Variants in CSMD1 observed in about 807,000 individuals in gnomAD.
CSMD1 encodes the protein CUB and Sushi multiple domains 1.
In CSMD1, 213 loss-of-function variants were observed where a neutral mutation model predicts 417.5. The observed-to-expected ratio is 0.51, with a 90% confidence interval of 0.46 to 0.57. CSMD1 has a LOEUF of 0.57. Ranked by LOEUF, CSMD1 falls within the 20% of genes least tolerant of loss-of-function variation. The pLI, the probability that CSMD1 is intolerant of heterozygous loss-of-function variation, is 0.00. For missense variants in CSMD1, 6,923 were observed against 4,529.7 expected, an observed-to-expected ratio of 1.53 and a Z score of -15.17; for synonymous variants, 2,862 against 1,736.8, an observed-to-expected ratio of 1.65 and a Z score of -16.11.
At chr8:3,200,456 G>A (rs1013482868) in intron 32 of CSMD1, among the ~76,000 whole-genome samples, 55 of 152,076 alleles carry the variant, frequency 3.6e-4, no homozygotes, top group African/African-American at 1.2e-3. Context: ...TCAGGAGGCT[G>A]AGGCAGGAGA....
chr8:3,671,721 C>G (rs1330118564), intron 7 of CSMD1, among the ~76,000 whole-genome samples: 2 of 151,548 alleles, frequency 1.3e-5, no homozygotes, highest in Non-Finnish European at 2.9e-5. Context: ...TGTTGCATGC[C>G]CAGCACCGGC....
At chr8:4,118,109 A>T (rs1330282820) in intron 3 of CSMD1, among the ~76,000 whole-genome samples, 1 of 152,134 alleles carries the variant, frequency 6.6e-6, no homozygotes, top group Non-Finnish European at 1.5e-5. Flanking sequence ...GTGTGTTTGC[A>T]GGTGTACAGA....
chr8:3,870,036 T>C (rs902631174), intron 5 of CSMD1, among the ~76,000 whole-genome samples: 2 of 152,122 alleles, frequency 1.3e-5, no homozygotes, highest in South Asian at 2.1e-4. Flanking sequence ...AAAGTAGGCG[T>C]CTCTTCATTG....
intron 3 of CSMD1, among the ~76,000 whole-genome samples, chr8:4,288,395 A>G (rs957930186): frequency 6.6e-6 from 1 of 152,230 alleles, no homozygotes; most frequent in African/African-American, 2.4e-5. Flanking sequence ...AGAATGACCT[A>G]CAAATATCTC....
rs1206135065 is a variant in CSMD1 at position 2,970,860 on chromosome 8, AT to A, written c.8923+2256del. Among the ~76,000 whole-genome samples the A allele has an allele frequency of 7.9e-5, 12 of 152,348 alleles. 1 individual carries two copies. The highest frequency in any genetic ancestry group is 2.2e-4 in the African/African-American group (9 of 41,582). Reference sequence around the variant, plus strand: ...GAAATTGTTTTAATTTATTGGCAACATTTTTTGTAACTCCACACTTTGTTAT... The same window carrying A: ...GAAATTGTTTTAATTTATTGGCAACATTTTTGTAACTCCACACTTTGTTAT... On this transcript the variant is annotated intron_variant, in intron 57 of 69. Transcript: ENST00000635120.
Position 3,493,737 on chromosome 8 carries a change from G to T in CSMD1, c.1345-11C>A. ...GGCAAGCTTGATGACCTAAATACAA[G>T]GTACGAAACAGTGACTTAGAACAAC... On this transcript the variant is annotated splice_polypyrimidine_tract_variant and intron_variant, in intron 10 of 69. Transcript: ENST00000635120. 2 of 1,599,822 alleles carry T rather than the reference G, an allele frequency of 1.3e-6. No homozygotes were observed. The highest frequency in any genetic ancestry group is 8.5e-7 in the Non-Finnish European group (1 of 1,172,012).
At chr8:4,835,551 A>G (rs1263759099) in intron 1 of CSMD1, among the ~76,000 whole-genome samples, 2 of 152,176 alleles carry the variant, frequency 1.3e-5, no homozygotes, top group African/African-American at 2.4e-5. Context: ...GAGGGTGGTT[A>G]AGTTAGCACA....
intron 1 of CSMD1, among the ~76,000 whole-genome samples, chr8:4,825,429 G>C (rs769940241): frequency 2.0e-5 from 3 of 152,054 alleles, no homozygotes; most frequent in Non-Finnish European, 4.4e-5. Flanking sequence ...GCACAGTGTA[G>C]ACCAGCAGTT....
chr8:3,230,272 A>T, intron 26 of CSMD1, 41 bp from the exon 27 acceptor site: 1 of 1,485,844 alleles, frequency 6.7e-7, no homozygotes, highest in East Asian at 2.4e-5. Context: ...GCTGGAAAAC[A>T]TGGTTTCCAC....
chr8:2,962,335 A>G, intron 61 of CSMD1, 131 bp downstream of exon 61: 1 of 788,544 alleles, frequency 1.3e-6, no homozygotes, highest in East Asian at 2.7e-5. Context: ...CAGTGCAAAA[A>G]TTATTACCTT....
chr8:3,822,693 T>C (rs962377061), intron 5 of CSMD1, among the ~76,000 whole-genome samples: 3 of 152,184 alleles, frequency 2.0e-5, no homozygotes, highest in African/African-American at 7.2e-5. Context: ...GGCAATGACT[T>C]CCTCCTGGGC....
chr8:4,650,142 G>A (rs570749121), intron 1 of CSMD1, among the ~76,000 whole-genome samples: 55 of 151,964 alleles, frequency 3.6e-4, no homozygotes, highest in African/African-American at 1.1e-3. Flanking sequence ...TCAGGAGATC[G>A]AGACCATCCT....
chr8:4,370,448 G>A (rs1473246012), intron 3 of CSMD1, among the ~76,000 whole-genome samples: 2 of 152,182 alleles, frequency 1.3e-5, no homozygotes, highest in South Asian at 2.1e-4. Context: ...ATATCTCATG[G>A]AGATTCTCTG....
chr8:3,915,821 T>C (rs1211243394), intron 5 of CSMD1, among the ~76,000 whole-genome samples: 2 of 147,140 alleles, frequency 1.4e-5, no homozygotes, highest in African/African-American at 5.1e-5. Context: ...GTATGCATTT[T>C]GGGGTTTAAC....
At chr8:4,673,246 G>A (rs1432315776) in intron 1 of CSMD1, among the ~76,000 whole-genome samples, 1 of 152,190 alleles carries the variant, frequency 6.6e-6, no homozygotes, top group African/African-American at 2.4e-5. Context: ...AAAACTTTTT[G>A]TAAGAGTCCC....
intron 3 of CSMD1, among the ~76,000 whole-genome samples, chr8:4,358,510 G>A (rs935273493): frequency 1.2e-4 from 19 of 152,202 alleles, no homozygotes; most frequent in Non-Finnish European, 2.2e-4. Flanking sequence ...TGCGATACCA[G>A]CAGAGCTCCG....
intron 2 of CSMD1, among the ~76,000 whole-genome samples, chr8:4,439,986 C>T (rs904810511): frequency 6.6e-6 from 1 of 152,100 alleles, no homozygotes; most frequent in Admixed American, 6.5e-5. Flanking sequence ...CTTCACCAGC[C>T]TAGACATGGG....
At chr8:4,260,448 T>C (rs867948852) in intron 3 of CSMD1, among the ~76,000 whole-genome samples, 1 of 152,116 alleles carries the variant, frequency 6.6e-6, no homozygotes, top group Middle Eastern at 3.2e-3. Context: ...TTACTGAGTG[T>C]GGGTTGGGGA....
chr8:3,315,831 G>T (rs1010899769), intron 23 of CSMD1, among the ~76,000 whole-genome samples: 1 of 152,100 alleles, frequency 6.6e-6, no homozygotes, highest in Non-Finnish European at 1.5e-5. Flanking sequence ...CATAAAGCAA[G>T]TTAATCATAC....
Sources: gnomAD v4.1 joint callset for allele counts (sites outside exome capture counted in the v4.1 genomes callset) on GRCh38, gnomAD v4.1.1 for gene constraint, MANE v1.5 for transcripts, NCBI Gene and HGNC (gene_info 2026-07-23, HGNC 2026-07-21) for gene names.